Variants in MARCHF1 observed in about 807,000 individuals in gnomAD.
MARCHF1 encodes the protein E3 ubiquitin-protein ligase MARCHF1.
MARCHF1 carries 40 observed loss-of-function variants against 54.2 expected under a neutral mutation model. That is an observed-to-expected ratio of 0.74 (90% confidence interval 0.57 to 0.96). The LOEUF is 0.96. Among genes scored for constraint, MARCHF1 ranks in the 40% least tolerant of loss-of-function variants. The probability of loss-of-function intolerance (pLI) is 0.00; values close to 1 mark genes in which losing one functional copy is unlikely to be tolerated. For synonymous variants in MARCHF1, 236 were observed against 236.3 expected, an observed-to-expected ratio of 1.00 and a Z score of 0.01; for missense variants, 586 against 656.5, an observed-to-expected ratio of 0.89 and a Z score of 1.17.
intron 5 of MARCHF1, among the ~76,000 whole-genome samples, chr4:163,664,149 G>C (rs1249136219): frequency 5.9e-5 from 9 of 152,100 alleles, no homozygotes. Flanking sequence ...ACAGGAAGAA[G>C]TTTAAAGCAA....
At chr4:163,999,990 TTAA>T (rs1753155321) in intron 2 of MARCHF1, among the ~76,000 whole-genome samples, 1 of 151,702 alleles carries the variant, frequency 6.6e-6, no homozygotes. Flanking sequence ...AAATATGATA[TTAA>T]TTGTGCGAGG....
Position 163,612,257 on chromosome 4 carries a change from C to T in MARCHF1, c.1010+14G>A. The stretch of plus-strand genomic sequence containing the variant: ...TATATGGATGACATCAAGCCTTTCT[C>T]TACAGTGACTGACCTGCATACTTCT... On this transcript the variant is annotated intron_variant, in intron 7 of 9. Coordinates refer to ENST00000514618, the MANE Select transcript of MARCHF1 (RefSeq NM_001394959.1). 9 of 1,473,754 alleles carry T rather than the reference C, an allele frequency of 6.1e-6. No homozygotes were observed. Among genetic ancestry groups the T allele is most frequent in the Non-Finnish European group, 8.0e-6 (9 of 1,122,126 alleles). 91.3% of individuals were successfully genotyped at this position (1,473,754 alleles called of 1,614,324 possible).
At chr4:163,954,465 G>A (rs762129268) in intron 3 of MARCHF1, among the ~76,000 whole-genome samples, 16 of 152,036 alleles carry the variant, frequency 1.1e-4, no homozygotes, top group Admixed American at 2.6e-4. Context: ...TTTCTCATTT[G>A]TCCCTTGGAT....
At chr4:164,280,834 T>C (rs1013772337) in intron 1 of MARCHF1, among the ~76,000 whole-genome samples, 2 of 152,110 alleles carry the variant, frequency 1.3e-5, no homozygotes, top group African/African-American at 2.4e-5. Context: ...TTCCTATTCC[T>C]GACCTCACTC....
chr4:163,727,283 G>A (rs1349756823), intron 4 of MARCHF1, among the ~76,000 whole-genome samples: 5 of 151,606 alleles, frequency 3.3e-5, no homozygotes, highest in Non-Finnish European at 7.4e-5. Context: ...GAAGGGTGTA[G>A]GGTTTCTGTT....
chr4:163,559,712 T>C (rs1348226071), intron 8 of MARCHF1, among the ~76,000 whole-genome samples: 2 of 152,198 alleles, frequency 1.3e-5, no homozygotes, highest in African/African-American at 4.8e-5. Flanking sequence ...AAGAGGACTT[T>C]AATTTATCTC....
At chr4:164,246,919 A>C (rs1393902520) in intron 1 of MARCHF1, among the ~76,000 whole-genome samples, 1 of 103,710 alleles carries the variant, frequency 9.6e-6, no homozygotes, top group Non-Finnish European at 2.0e-5. Context: ...ACCATCTCAC[A>C]CCAGTTAGAA....
intron 1 of MARCHF1, among the ~76,000 whole-genome samples, chr4:164,358,942 T>A (rs574558385): frequency 3.3e-5 from 5 of 152,178 alleles, no homozygotes; most frequent in Non-Finnish European, 7.4e-5. Flanking sequence ...ATAGCAATGA[T>A]GTTTTTCTTT....
intron 3 of MARCHF1, among the ~76,000 whole-genome samples, chr4:163,949,010 T>C (rs1752077511): frequency 6.6e-6 from 1 of 152,172 alleles, no homozygotes; most frequent in Admixed American, 6.5e-5. Context: ...CAGTGGGAAA[T>C]CTCTGTGGCC....
At chr4:163,689,335 A>G (rs1383122843) in intron 5 of MARCHF1, among the ~76,000 whole-genome samples, 1 of 152,170 alleles carries the variant, frequency 6.6e-6, no homozygotes, top group African/African-American at 2.4e-5. Context: ...TGTACTGAAA[A>G]TATTTAGGCA....
chr4:163,654,530 A>G (rs1383245973), intron 5 of MARCHF1, among the ~76,000 whole-genome samples: 1 of 151,584 alleles, frequency 6.6e-6, no homozygotes, highest in East Asian at 1.9e-4. Context: ...TATTTTTAAG[A>G]CTGGGTTATT....
intron 4 of MARCHF1, among the ~76,000 whole-genome samples, chr4:163,727,570 G>A (rs186395028): frequency 8.9e-4 from 135 of 151,986 alleles, no homozygotes; most frequent in African/African-American, 3.0e-3. Context: ...CTCCCAAAGT[G>A]CTGGGATTAC....
chr4:163,564,472 C>G (rs1579067275), intron 8 of MARCHF1, among the ~76,000 whole-genome samples: 1 of 152,272 alleles, frequency 6.6e-6, no homozygotes, highest in Middle Eastern at 3.4e-3. Context: ...AAGACCCATA[C>G]AGAAACTTTA....
At chr4:163,860,440 CA>C (rs772880541) in intron 3 of MARCHF1, among the ~76,000 whole-genome samples, 1 of 152,030 alleles carries the variant, frequency 6.6e-6, no homozygotes, top group South Asian at 2.1e-4. Flanking sequence ...AACAGTCTTA[CA>C]AAAAAGACTT....
intron 5 of MARCHF1, among the ~76,000 whole-genome samples, chr4:163,691,484 T>G (rs1293009832): frequency 6.6e-6 from 1 of 152,128 alleles, no homozygotes; most frequent in African/African-American, 2.4e-5. Flanking sequence ...ATAGAAATTA[T>G]GGCCTGATAA....
intron 1 of MARCHF1, among the ~76,000 whole-genome samples, chr4:164,372,259 G>A (rs1233212378): frequency 6.6e-6 from 1 of 152,004 alleles, no homozygotes; most frequent in Non-Finnish European, 1.5e-5. Flanking sequence ...GTCTCTTTGG[G>A]TCTACATACA....
chr4:164,176,968 C>CCCCATATATATA (rs1201114627), intron 1 of MARCHF1, among the ~76,000 whole-genome samples: 1 of 43,344 alleles, frequency 2.3e-5, no homozygotes, highest in African/African-American at 1.1e-4. Context: ...CTCTCTCTCT[C>CCCCATATATATA]TCTCTCTCTC....
chr4:164,150,750 A>G (rs540391160), intron 1 of MARCHF1, among the ~76,000 whole-genome samples: 3 of 152,348 alleles, frequency 2.0e-5, no homozygotes, highest in South Asian at 2.1e-4. Context: ...ACACATTTTC[A>G]TAAAGAAAAT....
rs535903801 is a variant in MARCHF1 at position 163,713,883 on chromosome 4, A to C, written c.112-13020T>G. Among the ~76,000 whole-genome samples, 5 of 152,342 alleles carry C rather than the reference A, an allele frequency of 3.3e-5. No individual in the cohort carries two copies. The South Asian group carries it at 1.0e-3, about 32-fold the overall frequency. ...CTCGAAAAGTCTTCATAAGTTGGCAATACATAATGAAAATATGTGCCTATT... is the reference window on the plus strand; with the variant it reads ...CTCGAAAAGTCTTCATAAGTTGGCACTACATAATGAAAATATGTGCCTATT... On this transcript the variant is annotated intron_variant, in intron 4 of 9. Coordinates refer to ENST00000514618, the MANE Select transcript of MARCHF1 (RefSeq NM_001394959.1).
Sources: gnomAD v4.1 joint callset for allele counts (sites outside exome capture counted in the v4.1 genomes callset) on GRCh38, gnomAD v4.1.1 for gene constraint, MANE v1.5 for transcripts, NCBI Gene and HGNC (gene_info 2026-07-23, HGNC 2026-07-21) for gene names.